CCNDBP1: variants seen among roughly 807,000 people sequenced by gnomAD.
CCNDBP1 encodes cyclin-D1-binding protein 1.
A neutral mutation model predicts 46.2 loss-of-function variants in CCNDBP1; 45 were observed. That is an observed-to-expected ratio of 0.97 (90% CI 0.77 to 1.25). CCNDBP1 has a LOEUF of 1.25. Ranked by LOEUF, CCNDBP1 falls within the 50% of genes most tolerant of loss-of-function variation. CCNDBP1 has a pLI of 0.00. For missense variants in CCNDBP1, 436 were observed against 442.1 expected (o/e 0.99, Z 0.12); for synonymous variants, 154 against 163.6 (o/e 0.94, Z 0.45).
In CCNDBP1 at chr15:43,197,147, G is replaced by A. The variant is rs767440149; in HGVS notation, c.*2306G>A. On this transcript the variant is annotated 3_prime_UTR_variant, in exon 11 of 11. Transcript: ENST00000300213. ...TTTCTTGTACAGCCTGCAGAGCCGT[G>A]AGCCAAATAAAGCTCTTTTCTTTTA... 80 of 1,046,702 alleles carry A rather than the reference G, an allele frequency of 7.6e-5. No homozygotes were observed. Among genetic ancestry groups the A allele is most frequent in the Non-Finnish European group, 1.1e-4 (77 of 699,438 alleles). The allele number at this position is 1,046,702 out of a possible 1,614,324, so 64.8% of individuals were successfully genotyped here.
chr15:43,185,406 G>T lies in CCNDBP1; in HGVS notation c.-93G>T. 2 of 1,026,992 alleles carry T rather than the reference G, an allele frequency of 1.9e-6. No homozygotes were observed. Among genetic ancestry groups the T allele is most frequent in the South Asian group, 2.7e-5 (2 of 73,752 alleles). 63.6% of individuals were successfully genotyped at this position (1,026,992 alleles called of 1,614,324 possible). On this transcript the variant is annotated 5_prime_UTR_variant, in exon 1 of 11. Coordinates refer to ENST00000300213, the MANE Select transcript of CCNDBP1 (RefSeq NM_012142.5). The stretch of plus-strand genomic sequence containing the variant: ...GGCTTGTTGACGGAAACGAGCCCTT[G>T]ACGCTGTGGCCCGGAAGTGGAGCGG...
intron 5 of CCNDBP1, 63 bp downstream of exon 5, chr15:43,190,214 C>T (rs1175757597): frequency 6.3e-7 from 1 of 1,592,504 alleles, no homozygotes; most frequent in Non-Finnish European, 8.6e-7. Flanking sequence ...GGGAAAAGCT[C>T]ATTTTAACAG....
chr15:43,193,332 C>CAAAAAAAAA (rs60206861), intron 9 of CCNDBP1: 3 of 39,146 alleles, frequency 7.7e-5, no homozygotes, highest in Non-Finnish European at 1.2e-4. Flanking sequence ...GACTCTGTCT[C>CAAAAAAAAA]AAAAAAAAAA....
intron 6 of CCNDBP1, 28 bp from the exon 7 acceptor site, chr15:43,190,938 T>G (rs1386963852): frequency 1.3e-6 from 2 of 1,574,712 alleles, no homozygotes; most frequent in Non-Finnish European, 1.7e-6. Flanking sequence ...CTCCTCTAAT[T>G]CTAGTGCTTC....
At position 43,185,754 on chromosome 15, in the gene CCNDBP1, G is replaced by C. The variant is rs2041809512; in HGVS notation, c.110-66G>C. ...CGGGGAGCCGGGCTTGGGCGAGGGA[G>C]GTGGCTCCGCTTACCTCAGCTTTTC... On this transcript the variant is annotated intron_variant, in intron 1 of 10. Transcript: ENST00000300213. 3.2e-6 allele frequency: 5 copies of C among 1,547,838 alleles called. No individual in the cohort carries two copies. The African/African-American group carries it at 4.1e-5, about 13-fold the overall frequency.
At chr15:43,185,968 T>A in intron 2 of CCNDBP1, 89 bp downstream of exon 2, 3 of 1,310,516 alleles carry the variant, frequency 2.3e-6, no homozygotes, top group Non-Finnish European at 2.2e-6. Flanking sequence ...CGGAGGGGAC[T>A]GCTCTCCCCC....
At chr15:43,193,215 C>G (rs1353212133) in intron 9 of CCNDBP1, 1 of 167,168 alleles carries the variant, frequency 6.0e-6, no homozygotes, top group Non-Finnish European at 1.3e-5. Context: ...CACCTATAAT[C>G]CCAGCTACTT....
chr15:43,190,869 C>T, intron 6 of CCNDBP1, 97 bp from the exon 7 acceptor site: 2 of 980,786 alleles, frequency 2.0e-6, no homozygotes, highest in Admixed American at 1.8e-5. Context: ...GTCCTTGGCA[C>T]TCCCATCAAT....
rs745528542 is a variant in CCNDBP1 at position 43,185,536 on chromosome 15, C to A, written c.38C>A (p.Thr13Asn). ...SATAPAAAVPTLASPLEQLRH... is the reference protein window; with the variant it reads ...SATAPAAAVPNLASPLEQLRH... The stretch of plus-strand genomic sequence containing the variant: ...ACTGCACCTGCAGCCGCAGTCCCCA[C>A]CCTGGCTTCGCCTTTGGAGCAGCTC... The change falls in exon 1 of 11, where the codon ACC (threonine) becomes AAC (asparagine). Residue 13 changes from threonine to asparagine, a missense_variant. Thr to Asn is a moderately conservative substitution (Grantham distance 65). Transcript: ENST00000300213. The A allele has an allele frequency of 6.3e-7, 1 of 1,596,966 alleles. No individual in the cohort carries two copies. Among genetic ancestry groups the A allele is most frequent in the East Asian group, 2.3e-5 (1 of 44,104 alleles).
intron 8 of CCNDBP1, 134 bp downstream of exon 8, chr15:43,191,809 T>C (rs1195099071): frequency 1.1e-6 from 1 of 912,178 alleles, no homozygotes; most frequent in Non-Finnish European, 1.6e-6. Context: ...AAAAGTACCT[T>C]CAGTGAACAC....
Position 43,190,322 on chromosome 15 carries a change from C to T in CCNDBP1, c.429-3C>T, listed in dbSNP as rs748919178. On this transcript the variant is annotated splice_polypyrimidine_tract_variant and splice_region_variant and intron_variant, in intron 5 of 10. Transcript: ENST00000300213. ...ATATATCCTTACTGATTTCTTTCCCCAGCCCTGAGAACAATGACCTTATTT... is the reference window on the plus strand; with the variant it reads ...ATATATCCTTACTGATTTCTTTCCCTAGCCCTGAGAACAATGACCTTATTT... The T allele has an allele frequency of 1.2e-6, 2 of 1,614,000 alleles. No homozygotes were observed. The highest frequency in any genetic ancestry group is 2.2e-5 in the East Asian group (1 of 44,884).
chr15:43,191,612 GGAA>G lies in CCNDBP1; in HGVS notation c.802_804del (p.Lys268del). The G allele has an allele frequency of 6.2e-7, 1 of 1,613,334 alleles. No homozygotes were observed. Among genetic ancestry groups the G allele is most frequent in the Non-Finnish European group, 8.5e-7 (1 of 1,180,002 alleles). Reference sequence around the variant, plus strand: ...ATTCGGATGTTAGTGGCAGAGAATGGGAAGAAGGATCAGGTGGCACAGCTGGAT... The same window carrying G: ...ATTCGGATGTTAGTGGCAGAGAATGGGAAGGATCAGGTGGCACAGCTGGAT... On this transcript the variant is annotated inframe_deletion, in exon 8 of 11. Transcript: ENST00000300213.
At position 43,195,504 on chromosome 15, in the gene CCNDBP1, T is replaced by C. The variant is rs1296884959; in HGVS notation, c.*663T>C. Reference sequence around the variant, plus strand: ...ACAGATTTATTTTCCTTATACATACTTGTGTTGTCCTTGGTTACGTGTGTC... The same window carrying C: ...ACAGATTTATTTTCCTTATACATACCTGTGTTGTCCTTGGTTACGTGTGTC... On this transcript the variant is annotated 3_prime_UTR_variant, in exon 11 of 11. Transcript: ENST00000300213. The C allele has an allele frequency of 6.6e-6, 1 of 152,216 alleles. No individual in the cohort carries two copies. The highest frequency in any genetic ancestry group is 1.5e-5 in the Non-Finnish European group (1 of 68,024). 9.4% of individuals were successfully genotyped at this position (152,216 alleles called of 1,614,324 possible). A position where few individuals can be genotyped will look rare whatever the true frequency, so the allele number is the denominator to read the frequency against.
intron 3 of CCNDBP1, chr15:43,188,935 G>A: frequency 3.5e-6 from 1 of 284,228 alleles, no homozygotes; most frequent in Non-Finnish European, 6.6e-6. Flanking sequence ...AAAATTAGCT[G>A]GGTGTGGTGG....
rs747130729 is a variant in CCNDBP1, at chr15:43,189,200, A to C, written c.251A>C (p.Glu84Ala). Residue 84 changes from glutamate to alanine, a missense_variant and splice_region_variant, in exon 4 of 11, where the codon GAA becomes GCA. Coordinates refer to ENST00000300213, the MANE Select transcript of CCNDBP1 (RefSeq NM_012142.5). ...FSQLPLPSPQ[E>A]TQKFCEQVHA... ...TCTAATCTGTTTCCTTTTTCATAGG[A>C]AACCCAGAAGTTCTGTGAACAAGTC... is the stretch of plus-strand genomic sequence containing the variant. The C allele has an allele frequency of 6.2e-7, 1 of 1,605,430 alleles. No individual in the cohort carries two copies. Among genetic ancestry groups the C allele is most frequent in the Non-Finnish European group, 8.5e-7 (1 of 1,173,880 alleles).
chr15:43,190,759 T>C (rs2041935303), intron 6 of CCNDBP1, among the ~76,000 whole-genome samples: 1 of 152,228 alleles, frequency 6.6e-6, no homozygotes. Context: ...TGTGACCATT[T>C]TATTTCTTCT....
intron 9 of CCNDBP1, 22 bp downstream of exon 9, chr15:43,192,825 A>C (rs766760412): frequency 1.2e-6 from 2 of 1,608,210 alleles, no homozygotes; most frequent in South Asian, 1.1e-5. Flanking sequence ...CTTTGAGGGA[A>C]TAGCTACAGA....
At chr15:43,191,351 T>G in intron 7 of CCNDBP1, 44 bp from the exon 8 acceptor site, 1 of 1,263,540 alleles carries the variant, frequency 7.9e-7, no homozygotes, top group Non-Finnish European at 1.0e-6. Flanking sequence ...GCCTTTTTTT[T>G]TTTTTTTTTT....
At chr15:43,189,961 A>C in intron 4 of CCNDBP1, 94 bp from the exon 5 acceptor site, 1 of 1,052,432 alleles carries the variant, frequency 9.5e-7, no homozygotes, top group Non-Finnish European at 1.4e-6. Flanking sequence ...GTGGGTGTAC[A>C]TTACCTTATA....
Sources: allele counts gnomAD v4.1 joint callset (sites outside exome capture counted in the v4.1 genomes callset), GRCh38; gene constraint gnomAD v4.1.1; transcripts MANE v1.5; gene names NCBI Gene and HGNC (gene_info 2026-07-23, HGNC 2026-07-21).